Variants in NUGGC observed in about 807,000 individuals in gnomAD.
The protein encoded by NUGGC is nuclear GTPase, germinal center associated.
Under a neutral mutation model 92.6 loss-of-function variants are expected in NUGGC, and 58 were observed. That is an observed-to-expected ratio of 0.63 (90% CI 0.51 to 0.78). The LOEUF is 0.78. NUGGC is among the 30% of genes least tolerant of loss of function. The pLI is 0.00. For missense variants in NUGGC, 925 were observed against 964.6 expected, an observed-to-expected ratio of 0.96 and a Z score of 0.54; for synonymous variants, 376 against 366.4, an observed-to-expected ratio of 1.03 and a Z score of -0.30.
At chr8:28,032,455 T>C (rs12682588) in intron 14 of NUGGC, among the ~76,000 whole-genome samples, 83,213 of 151,860 alleles carry the variant, frequency 0.55, 23,399 homozygotes, top group East Asian at 0.73. Context: ...CGGTGGCTCA[T>C]GCCTGTAATC....
chr8:28,058,589 C>T (rs1810210618), intron 8 of NUGGC, among the ~76,000 whole-genome samples: 1 of 152,230 alleles, frequency 6.6e-6, no homozygotes, highest in Non-Finnish European at 1.5e-5. Context: ...TCATGTATAA[C>T]TTTTAACCCT....
At chr8:28,035,948 C>T (rs113108699) in intron 13 of NUGGC, among the ~76,000 whole-genome samples, 5,831 of 152,252 alleles carry the variant, frequency 0.038, 387 homozygotes, top group African/African-American at 0.13. Flanking sequence ...AGTGGCACGA[C>T]CATAGCTCAC....
chr8:28,062,245 T>C (rs1810325071), intron 7 of NUGGC, among the ~76,000 whole-genome samples: 1 of 152,168 alleles, frequency 6.6e-6, no homozygotes, highest in South Asian at 2.1e-4. Context: ...CCTCTATAAG[T>C]GAATGGACTT....
At chr8:28,062,694 G>T (rs978301340) in intron 7 of NUGGC, among the ~76,000 whole-genome samples, 2 of 152,204 alleles carry the variant, frequency 1.3e-5, no homozygotes, top group African/African-American at 4.8e-5. Context: ...CCAGCCAGCG[G>T]AAGGCCATAA....
rs1465982675 is a variant in NUGGC, at chr8:28,041,059, A to G, written c.1603T>C (p.Cys535Arg). 17 of 1,603,320 alleles carry G rather than the reference A, an allele frequency of 1.1e-5. No individual in the cohort carries two copies. The highest frequency in any genetic ancestry group is 2.3e-5 in the South Asian group (2 of 88,718). The change falls in exon 13 of 19, where the codon TGC becomes CGC. Residue 535 changes from cysteine (C) to arginine (R), a missense_variant. Transcript: ENST00000413272. Reference protein sequence around the residue: ...RTSYRCILRACLVRSKGNQGF... With the variant: ...RTSYRCILRARLVRSKGNQGF... Reference sequence around the variant, plus strand: ...CTGGAAGGGTCACTCACCACCAAGCATGCTCTGAGGATGCAGCGGTAAGAA... The same window carrying G: ...CTGGAAGGGTCACTCACCACCAAGCGTGCTCTGAGGATGCAGCGGTAAGAA...
At position 28,068,256 on chromosome 8, in the gene NUGGC, C is replaced by A; in HGVS notation, c.440G>T (p.Cys147Phe). 2 of 1,550,580 alleles carry A rather than the reference C, an allele frequency of 1.3e-6. No homozygotes were observed. Among genetic ancestry groups the A allele is most frequent in the South Asian group, 1.2e-5 (1 of 83,984 alleles). Reference sequence around the variant, plus strand: ...GTGGATTTTGGCCTCATACTGCACACAGCAGCCAGAGCTCACTTGTACAAT... The same window carrying A: ...GTGGATTTTGGCCTCATACTGCACAAAGCAGCCAGAGCTCACTTGTACAAT... ...SCIVQVSSGC[C>F]VQYEAKIHLL... Residue 147 changes from cysteine (C) to phenylalanine (F), a missense_variant, in exon 5 of 19, where the codon TGT (cysteine) becomes TTT (phenylalanine). By Grantham distance (205) the Cys-to-Phe change is radical. Coordinates refer to ENST00000413272, the MANE Select transcript of NUGGC (RefSeq NM_001010906.2).
intron 13 of NUGGC, 38 bp downstream of exon 13, chr8:28,041,013 C>T: frequency 1.3e-6 from 2 of 1,559,848 alleles, no homozygotes; most frequent in Non-Finnish European, 1.7e-6. Flanking sequence ...GGGCAGGCCT[C>T]CTGGAATATC....
At chr8:28,036,897 G>A (rs528284808) in intron 13 of NUGGC, among the ~76,000 whole-genome samples, 34 of 152,266 alleles carry the variant, frequency 2.2e-4, no homozygotes, top group African/African-American at 5.3e-4. Context: ...ATGACTCAGC[G>A]GGTTTGGAGT....
Position 28,024,999 on chromosome 8 carries a change from CT to C in NUGGC, c.2246-1538del, listed in dbSNP as rs530560900. 5.8e-3 allele frequency among the ~76,000 whole-genome samples: 881 copies of C among 152,324 alleles called. 15 individuals carry two copies. The highest frequency in any genetic ancestry group is 0.02 in the African/African-American group (831 of 41,558). On this transcript the variant is annotated intron_variant, in intron 18 of 18. Coordinates refer to ENST00000413272, the MANE Select transcript of NUGGC (RefSeq NM_001010906.2). ...CACCCTGTCCCGTACCTCAGCATCC[CT>C]TCTTCCCTTTCTGTGTTTCGCTTCC... is the stretch of plus-strand genomic sequence containing the variant.
chr8:28,057,405 G>A (rs1001059056), intron 9 of NUGGC, among the ~76,000 whole-genome samples: 2 of 149,050 alleles, frequency 1.3e-5, no homozygotes, highest in Admixed American at 6.8e-5. Context: ...GCAGTGGCGC[G>A]ATCTCGGCTC....
chr8:28,060,184 G>T, intron 8 of NUGGC: 2 of 636,610 alleles, frequency 3.1e-6, no homozygotes, highest in Non-Finnish European at 5.8e-6. Flanking sequence ...CACCCCCAGA[G>T]CTGTGTAGGG....
intron 7 of NUGGC, among the ~76,000 whole-genome samples, chr8:28,063,259 C>G (rs768230198): frequency 6.6e-6 from 1 of 152,210 alleles, no homozygotes; most frequent in Non-Finnish European, 1.5e-5. Context: ...TGGGAACCAT[C>G]CCTCGCTTCA....
intron 2 of NUGGC, among the ~76,000 whole-genome samples, chr8:28,070,835 T>TA (rs1810573923): frequency 6.6e-6 from 1 of 151,078 alleles, no homozygotes; most frequent in African/African-American, 2.4e-5. Context: ...TATATATATA[T>TA]TTTTTGATTA....
Position 28,068,452 on chromosome 8 carries a change from A to C in NUGGC, c.258-14T>G, listed in dbSNP as rs1374179441. 6.7e-7 allele frequency: 1 copy of C among 1,499,808 alleles called. No homozygotes were observed. Among genetic ancestry groups the C allele is most frequent in the Admixed American group, 1.9e-5 (1 of 51,384 alleles). The allele number at this position is 1,499,808 out of a possible 1,614,324, so 92.9% of individuals were successfully genotyped here. ...AGAAGCCTATTTCTGGATGAATTTT[A>C]AAATGCACATTGCCATGATCATCAA... On this transcript the variant is annotated splice_polypyrimidine_tract_variant and intron_variant, in intron 4 of 18. Transcript: ENST00000413272.
chr8:28,074,045 C>T (rs1171667159), intron 2 of NUGGC, among the ~76,000 whole-genome samples: 5 of 151,530 alleles, frequency 3.3e-5, no homozygotes, highest in Non-Finnish European at 4.4e-5. Context: ...GTGATCCACC[C>T]GCCTCAGCCT....
At position 28,039,082 on chromosome 8, in the gene NUGGC, A is replaced by G. The variant is rs145269069; in HGVS notation, c.1611+1969T>C. ...CTCCAGCTGTCATCCTCCTGTGTCC[A>G]CACACTGACACTTTCCCCAGTGACC... is the stretch of plus-strand genomic sequence containing the variant. On this transcript the variant is annotated intron_variant, in intron 13 of 18. Transcript: ENST00000413272. 1.6e-4 allele frequency among the ~76,000 whole-genome samples: 25 copies of G among 152,256 alleles called. No individual in the cohort carries two copies. In the East Asian group the frequency reaches 4.6e-3, roughly 28 times the overall value.
chr8:28,050,144 G>A (rs921303021), intron 10 of NUGGC, among the ~76,000 whole-genome samples: 1 of 152,052 alleles, frequency 6.6e-6, no homozygotes, highest in African/African-American at 2.4e-5. Context: ...CCAGCACTTC[G>A]GGAGGCCGAG....
chr8:28,026,371 C>T (rs905204239), intron 18 of NUGGC, among the ~76,000 whole-genome samples: 6 of 152,246 alleles, frequency 3.9e-5, no homozygotes, highest in Middle Eastern at 3.4e-3. Context: ...CAGTTTATAC[C>T]GGGGGCCTGA....
At chr8:28,036,586 C>G (rs969728321) in intron 13 of NUGGC, among the ~76,000 whole-genome samples, 11 of 152,148 alleles carry the variant, frequency 7.2e-5, no homozygotes, top group Non-Finnish European at 5.9e-5. Flanking sequence ...AAAGGATAAG[C>G]TCCTCCCTCC....
Sources: allele counts gnomAD v4.1 joint callset (sites outside exome capture counted in the v4.1 genomes callset), GRCh38; gene constraint gnomAD v4.1.1; transcripts MANE v1.5; gene names NCBI Gene and HGNC (gene_info 2026-07-23, HGNC 2026-07-21).